Variants in SHISA6 observed in about 807,000 individuals in gnomAD.
The protein encoded by SHISA6 is shisa family member 6.
Under a neutral mutation model 47.9 loss-of-function variants are expected in SHISA6, and 22 were observed. The observed-to-expected ratio is 0.46, with a 90% CI of 0.33 to 0.66. SHISA6 has a LOEUF of 0.66. SHISA6 is among the 30% of genes least tolerant of loss of function. The pLI, the probability that SHISA6 is intolerant of heterozygous loss-of-function variation, is 0.02. For synonymous variants in SHISA6, 388 were observed against 337.8 expected, an observed-to-expected ratio of 1.15 and a Z score of -1.63; for missense variants, 680 against 764.6, an observed-to-expected ratio of 0.89 and a Z score of 1.30.
rs532146443 is a variant in SHISA6 at position 11,464,328 on chromosome 17, C to T, written c.895+84819C>T. On this transcript the variant is annotated intron_variant, in intron 3 of 5. Coordinates refer to ENST00000441885, the MANE Select transcript of SHISA6 (RefSeq NM_207386.4). The stretch of plus-strand genomic sequence containing the variant: ...TTTGCATCATAAAATTGGCTCAATT[C>T]CCAGGCCCACCTGGGTCCCAGTCCA... Among the ~76,000 whole-genome samples the T allele has an allele frequency of 1.2e-3, 189 of 152,276 alleles. 1 individual carries two copies. Among genetic ancestry groups the T allele is most frequent in the Admixed American group, 2.3e-3 (35 of 15,292 alleles).
Position 11,246,174 on chromosome 17 carries a change from A to C in SHISA6, c.638+4114A>C, listed in dbSNP as rs191819571. Among the ~76,000 whole-genome samples the C allele has an allele frequency of 9.1e-3, 1,383 of 151,642 alleles. 9 individuals carry two copies. The highest frequency in any genetic ancestry group is 0.016 in the Non-Finnish European group (1,096 of 68,000). Reference sequence around the variant, plus strand: ...GACTGAAAGTTTTAGCCTTGCCTTTATTTCTTTTTTCTTTGAGTTAAAAAA... The same window carrying C: ...GACTGAAAGTTTTAGCCTTGCCTTTCTTTCTTTTTTCTTTGAGTTAAAAAA... On this transcript the variant is annotated intron_variant, in intron 1 of 5. Transcript: ENST00000441885.
intron 3 of SHISA6, among the ~76,000 whole-genome samples, chr17:11,455,196 A>AC (rs375615185): frequency 9.9e-5 from 15 of 152,118 alleles, no homozygotes; most frequent in South Asian, 6.3e-4. Context: ...AAACAAACAA[A>AC]AAAAACAGTT....
chr17:11,307,955 A>G (rs1194594435), intron 2 of SHISA6, among the ~76,000 whole-genome samples: 1 of 152,142 alleles, frequency 6.6e-6, no homozygotes, highest in African/African-American at 2.4e-5. Flanking sequence ...AAATGAAAGG[A>G]GTGTACTAGA....
intron 2 of SHISA6, chr17:11,290,951 C>T (rs1909513397): frequency 6.6e-6 from 1 of 151,726 alleles, no homozygotes. Flanking sequence ...CCAGCCCTGA[C>T]TTTCTGCTAG....
chr17:11,393,294 A>G (rs563867850), intron 3 of SHISA6, among the ~76,000 whole-genome samples: 25 of 152,248 alleles, frequency 1.6e-4, no homozygotes, highest in African/African-American at 3.9e-4. Context: ...GCCTGCATCC[A>G]AGTCCGTTAC....
intron 3 of SHISA6, among the ~76,000 whole-genome samples, chr17:11,423,104 A>C (rs1389544891): frequency 6.6e-6 from 1 of 151,850 alleles, no homozygotes; most frequent in Non-Finnish European, 1.5e-5. Context: ...ACAGGATTAG[A>C]TTTTATTTAT....
At chr17:11,354,346 G>A (rs1271603707) in intron 2 of SHISA6, among the ~76,000 whole-genome samples, 2 of 152,112 alleles carry the variant, frequency 1.3e-5, no homozygotes, top group African/African-American at 2.4e-5. Context: ...CACATTCTGG[G>A]TAGCTGGGTT....
At chr17:11,415,767 T>G (rs1210170673) in intron 3 of SHISA6, among the ~76,000 whole-genome samples, 1 of 152,208 alleles carries the variant, frequency 6.6e-6, no homozygotes, top group African/African-American at 2.4e-5. Flanking sequence ...CTATAGGATT[T>G]TGGTATTATC....
At chr17:11,324,893 C>T (rs1403491976) in intron 2 of SHISA6, among the ~76,000 whole-genome samples, 1 of 152,074 alleles carries the variant, frequency 6.6e-6, no homozygotes, top group African/African-American at 2.4e-5. Context: ...AGTAGCACAG[C>T]GAGGGCCGGG....
At chr17:11,389,203 T>C (rs1327306113) in intron 3 of SHISA6, among the ~76,000 whole-genome samples, 2 of 152,168 alleles carry the variant, frequency 1.3e-5, no homozygotes, top group Non-Finnish European at 2.9e-5. Context: ...CCCTGTTTAA[T>C]GCTTGTTTGT....
intron 3 of SHISA6, among the ~76,000 whole-genome samples, chr17:11,533,457 C>T (rs923803414): frequency 1.1e-4 from 16 of 152,124 alleles, no homozygotes; most frequent in South Asian, 4.1e-4. Context: ...CATTCTCTCA[C>T]GTTTTATTCT....
chr17:11,472,520 A>C (rs752836390), intron 3 of SHISA6, among the ~76,000 whole-genome samples: 3 of 152,118 alleles, frequency 2.0e-5, no homozygotes, highest in African/African-American at 2.4e-5. Context: ...TTTTAGTGCT[A>C]AATAATATTC....
intron 3 of SHISA6, among the ~76,000 whole-genome samples, chr17:11,389,648 G>A (rs1023468506): frequency 3.3e-5 from 5 of 152,194 alleles, no homozygotes; most frequent in African/African-American, 1.2e-4. Context: ...CTCAGCCAGA[G>A]GTCTAGCAGC....
chr17:11,363,530 A>G (rs17597975), intron 2 of SHISA6, among the ~76,000 whole-genome samples: 11,731 of 152,286 alleles, frequency 0.077, 586 homozygotes, highest in Non-Finnish European at 0.11. Context: ...TCTCTGGATT[A>G]TAAACCTAAT....
rs974086964 is a variant in SHISA6, at chr17:11,524,151, A to G, written c.896-27745A>G. Among the ~76,000 whole-genome samples, 44 of 152,306 alleles carry G rather than the reference A, an allele frequency of 2.9e-4. No homozygotes were observed. In the East Asian group the frequency reaches 4.2e-3, roughly 15 times the overall value. On this transcript the variant is annotated intron_variant, in intron 3 of 5. Transcript: ENST00000441885. ...ACTTTTCAGCTTGAATTAGAGGACA[A>G]GGTCACACTTCTGCCATCTGGTAAT...
intron 3 of SHISA6, among the ~76,000 whole-genome samples, chr17:11,450,000 T>A (rs945193185): frequency 6.6e-6 from 1 of 152,198 alleles, no homozygotes; most frequent in African/African-American, 2.4e-5. Flanking sequence ...TTCTCCTGCG[T>A]CAGCCTCCCA....
chr17:11,485,576 CG>C (rs765623711), intron 3 of SHISA6, among the ~76,000 whole-genome samples: 3 of 152,108 alleles, frequency 2.0e-5, no homozygotes, highest in Non-Finnish European at 2.9e-5. Context: ...CTCTGGCCAA[CG>C]TAGACGGCCA....
At chr17:11,263,809 G>A (rs1452700152) in intron 2 of SHISA6, among the ~76,000 whole-genome samples, 3 of 152,170 alleles carry the variant, frequency 2.0e-5, no homozygotes, top group African/African-American at 7.2e-5. Flanking sequence ...GGAGCTTGCA[G>A]CATCCATAGC....
chr17:11,347,783 G>A (rs143755457), intron 2 of SHISA6, among the ~76,000 whole-genome samples: 114 of 152,306 alleles, frequency 7.5e-4, no homozygotes, highest in African/African-American at 2.4e-3. Context: ...CTGTATCTAG[G>A]GGTGAGAGTG....
Sources: allele counts gnomAD v4.1 joint callset (sites outside exome capture counted in the v4.1 genomes callset), GRCh38; gene constraint gnomAD v4.1.1; transcripts MANE v1.5; gene names NCBI Gene and HGNC (gene_info 2026-07-23, HGNC 2026-07-21).